AUTS2: variants seen among roughly 807,000 people sequenced by gnomAD.
AUTS2 encodes the protein activator of transcription and developmental regulator AUTS2.
Under a neutral mutation model 112.4 loss-of-function variants are expected in AUTS2, and 17 were observed. The observed-to-expected ratio is 0.15, with a 90% CI of 0.10 to 0.23. AUTS2 has a LOEUF of 0.23. Ranked by LOEUF, AUTS2 falls within the 10% of genes least tolerant of loss-of-function variation. The pLI, the probability that AUTS2 is intolerant of heterozygous loss-of-function variation, is 1.00. For synonymous variants in AUTS2, 751 were observed against 702.7 expected (o/e 1.07, Z -1.09); for missense variants, 1,510 against 1,701.6 (o/e 0.89, Z 1.98).
At chr7:69,920,866 C>T (rs1762434761) in intron 2 of AUTS2, among the ~76,000 whole-genome samples, 1 of 152,178 alleles carries the variant, frequency 6.6e-6, no homozygotes, top group African/African-American at 2.4e-5. Context: ...CCCTATTTTC[C>T]AGGGCTTCAC....
At chr7:69,685,716 GC>G (rs1797033740) in intron 1 of AUTS2, among the ~76,000 whole-genome samples, 4 of 150,464 alleles carry the variant, frequency 2.7e-5, no homozygotes, top group Non-Finnish European at 5.9e-5. Context: ...AAGGATCCAT[GC>G]CCTTTTTTTT....
chr7:69,656,971 G>T (rs1233254207), intron 1 of AUTS2, among the ~76,000 whole-genome samples: 1 of 152,158 alleles, frequency 6.6e-6, no homozygotes, highest in Non-Finnish European at 1.5e-5. Flanking sequence ...TGAATGGGAG[G>T]ATCTAAGTCT....
intron 4 of AUTS2, among the ~76,000 whole-genome samples, chr7:70,422,646 C>T (rs574709666): frequency 7.3e-4 from 111 of 152,152 alleles, no homozygotes; most frequent in African/African-American, 2.2e-3. Flanking sequence ...GGCATGGTGG[C>T]GCATACCTAT....
chr7:70,527,367 A>G (rs986101492), intron 5 of AUTS2, among the ~76,000 whole-genome samples: 1 of 152,058 alleles, frequency 6.6e-6, no homozygotes, highest in Non-Finnish European at 1.5e-5. Flanking sequence ...GGGGGGTTGA[A>G]CCCCTGCCCA....
At chr7:70,424,988 G>A (rs1795373719) in intron 4 of AUTS2, among the ~76,000 whole-genome samples, 1 of 152,196 alleles carries the variant, frequency 6.6e-6, no homozygotes, top group Admixed American at 6.5e-5. Context: ...GATGTGAAAT[G>A]CACTTCAACA....
chr7:70,632,065 C>T (rs1160423490), intron 5 of AUTS2, among the ~76,000 whole-genome samples: 2 of 151,770 alleles, frequency 1.3e-5, no homozygotes, highest in Non-Finnish European at 2.9e-5. Context: ...CTCCTGCTGG[C>T]AGGTCAGAGG....
intron 5 of AUTS2, among the ~76,000 whole-genome samples, chr7:70,542,619 T>G (rs1157326854): frequency 6.6e-6 from 1 of 152,212 alleles, no homozygotes; most frequent in Admixed American, 6.5e-5. Context: ...TGTGTTAAAC[T>G]TTATGGTTAA....
chr7:69,671,241 C>G (rs191290969), intron 1 of AUTS2, among the ~76,000 whole-genome samples: 4 of 152,282 alleles, frequency 2.6e-5, no homozygotes, highest in Admixed American at 2.0e-4. Context: ...GAAGAAACTT[C>G]TAGACCTTAA....
At chr7:69,903,116 T>C (rs1403903924) in intron 2 of AUTS2, among the ~76,000 whole-genome samples, 3 of 152,188 alleles carry the variant, frequency 2.0e-5, no homozygotes, top group Non-Finnish European at 2.9e-5. Flanking sequence ...AAGGACATGG[T>C]ACTTTTTTTT....
chr7:70,762,375 G>A (rs1328034600), intron 6 of AUTS2, among the ~76,000 whole-genome samples: 1 of 151,678 alleles, frequency 6.6e-6, no homozygotes, highest in East Asian at 1.9e-4. Context: ...GGGCTCAAGC[G>A]ATCCTTCTAC....
intron 2 of AUTS2, among the ~76,000 whole-genome samples, chr7:69,930,903 G>A (rs1274873886): frequency 5.9e-5 from 9 of 152,132 alleles, no homozygotes; most frequent in Admixed American, 5.9e-4. Context: ...AAGTTTTGGT[G>A]CCCTATCCCA....
intron 4 of AUTS2, among the ~76,000 whole-genome samples, chr7:70,357,196 C>A (rs934717955): frequency 6.6e-6 from 1 of 152,130 alleles, no homozygotes; most frequent in African/African-American, 2.4e-5. Flanking sequence ...AGGAACAAAC[C>A]GCGCAGGGGA....
At position 69,985,865 on chromosome 7, in the gene AUTS2, C is replaced by G. The variant is rs934794657; in HGVS notation, c.522+86367C>G. ...CGAGCTCCTCGGTTCAAGTGATCCT[C>G]CAGCCTCGGCTTCCCGAGTAGCTAA... On this transcript the variant is annotated intron_variant, in intron 2 of 18. Transcript: ENST00000342771. Among the ~76,000 whole-genome samples, 20 of 152,068 alleles carry G rather than the reference C, an allele frequency of 1.3e-4. 1 individual carries two copies. Among genetic ancestry groups the G allele is most frequent in the African/African-American group, 4.8e-4 (20 of 41,386 alleles).
rs57288515 is a variant in AUTS2 at position 70,230,943 on chromosome 7, G to A, written c.660+96372G>A. Reference sequence around the variant, plus strand: ...TTCATCTTCACAGCACACCCACCCCGACAGCACTTCTGCATCAGGAAGCAG... The same window carrying A: ...TTCATCTTCACAGCACACCCACCCCAACAGCACTTCTGCATCAGGAAGCAG... On this transcript the variant is annotated intron_variant, in intron 4 of 18. Transcript: ENST00000342771. Among the ~76,000 whole-genome samples, 1,479 of 152,294 alleles carry A rather than the reference G, an allele frequency of 9.7e-3. 31 individuals are homozygous for A. The highest frequency in any genetic ancestry group is 0.034 in the African/African-American group (1,393 of 41,550).
chr7:70,102,666 T>G (rs1336389241), intron 2 of AUTS2, among the ~76,000 whole-genome samples: 1 of 152,136 alleles, frequency 6.6e-6, no homozygotes, highest in Non-Finnish European at 1.5e-5. Flanking sequence ...ACTAATAAGA[T>G]TATAGTTACA....
At chr7:70,767,249 C>T (rs1320308593) in intron 9 of AUTS2, among the ~76,000 whole-genome samples, 1 of 152,136 alleles carries the variant, frequency 6.6e-6, no homozygotes, top group African/African-American at 2.4e-5. Flanking sequence ...TCCTCTCCCT[C>T]CCCCCATCTT....
At chr7:70,027,703 A>G (rs1800583064) in intron 2 of AUTS2, among the ~76,000 whole-genome samples, 1 of 152,234 alleles carries the variant, frequency 6.6e-6, no homozygotes. Flanking sequence ...AGAGTGAACT[A>G]TCATATAATA....
chr7:69,715,086 A>G (rs569360278), intron 1 of AUTS2, among the ~76,000 whole-genome samples: 7 of 152,170 alleles, frequency 4.6e-5, no homozygotes, highest in African/African-American at 1.7e-4. Context: ...TTTGCAGCCA[A>G]GTTTCATTTT....
chr7:70,500,731 T>C (rs1798738466), intron 5 of AUTS2, among the ~76,000 whole-genome samples: 1 of 152,118 alleles, frequency 6.6e-6, no homozygotes, highest in Non-Finnish European at 1.5e-5. Context: ...GATAATTTTT[T>C]TTTTTTTTGA....
Sources: allele counts gnomAD v4.1 joint callset (sites outside exome capture counted in the v4.1 genomes callset), GRCh38; gene constraint gnomAD v4.1.1; transcripts MANE v1.5; gene names NCBI Gene and HGNC (gene_info 2026-07-23, HGNC 2026-07-21).